Variants in ERC1 observed in about 807,000 individuals in gnomAD.
ERC1 encodes the protein ELKS/RAB6-interacting/CAST family member 1, also known as RAB6 interacting protein 2.
ERC1 carries 56 observed loss-of-function variants against 132.0 expected under a neutral mutation model. The ratio of observed to expected loss-of-function variants is 0.42; its 90% CI spans 0.34 to 0.53. ERC1 has a LOEUF of 0.53. Among genes scored for constraint, ERC1 ranks in the 20% least tolerant of loss-of-function variants. The pLI is 0.03. For synonymous variants in ERC1, 478 were observed against 476.1 expected, an observed-to-expected ratio of 1.00 and a Z score of -0.05; for missense variants, 1,202 against 1,349.9, an observed-to-expected ratio of 0.89 and a Z score of 1.72.
At chr12:1,209,730 C>G (rs1464850737) in intron 12 of ERC1, among the ~76,000 whole-genome samples, 1 of 152,100 alleles carries the variant, frequency 6.6e-6, no homozygotes, top group African/African-American at 2.4e-5. Context: ...CGAAAAGCTC[C>G]CAGTTGGTAC....
chr12:1,220,174 C>T (rs934066555), intron 12 of ERC1, among the ~76,000 whole-genome samples: 2 of 152,212 alleles, frequency 1.3e-5, no homozygotes, highest in Non-Finnish European at 2.9e-5. Flanking sequence ...CTGAAATACA[C>T]TGTTTGTCAC....
chr12:1,129,606 A>C (rs1401044008), intron 7 of ERC1, among the ~76,000 whole-genome samples: 2 of 152,214 alleles, frequency 1.3e-5, no homozygotes, highest in African/African-American at 4.8e-5. Context: ...CAGACTTTTC[A>C]GTTGCCACAA....
intron 3 of ERC1, among the ~76,000 whole-genome samples, chr12:1,093,906 T>C: frequency 7.0e-6 from 1 of 143,092 alleles, no homozygotes; most frequent in Non-Finnish European, 1.5e-5. Flanking sequence ...TATAAATATA[T>C]ATTTTTCTAT....
In ERC1 at chr12:1,252,674, G is replaced by A. The variant is rs538326425; in HGVS notation, c.2488-10360G>A. On this transcript the variant is annotated intron_variant, in intron 13 of 18. Coordinates refer to ENST00000360905, the MANE Select transcript of ERC1 (RefSeq NM_178040.4). The stretch of plus-strand genomic sequence containing the variant: ...AACAGAGCACCACTCTTAACTGAGG[G>A]GAGACATTTGAGGTGTTTTAAGGAG... Among the ~76,000 whole-genome samples the A allele has an allele frequency of 6.0e-4, 92 of 152,220 alleles. 1 individual carries two copies. The highest frequency in any genetic ancestry group is 2.1e-3 in the African/African-American group (88 of 41,526).
At chr12:1,043,094 A>T (rs1970534669) in intron 2 of ERC1, among the ~76,000 whole-genome samples, 1 of 143,682 alleles carries the variant, frequency 7.0e-6, no homozygotes, top group Non-Finnish European at 1.5e-5. Flanking sequence ...CCCAGGCTGG[A>T]GTGCAGTGGC....
intron 3 of ERC1, among the ~76,000 whole-genome samples, chr12:1,100,357 C>T (rs1376190835): frequency 6.6e-6 from 1 of 152,164 alleles, no homozygotes; most frequent in Non-Finnish European, 1.5e-5. Context: ...GTAGAGCCTT[C>T]TAGGTCAGCA....
intron 15 of ERC1, among the ~76,000 whole-genome samples, chr12:1,355,762 C>T (rs913712788): frequency 1.4e-4 from 21 of 152,120 alleles, no homozygotes; most frequent in Admixed American, 1.3e-3. Flanking sequence ...ATTCACTCTA[C>T]GAGGTGGGCA....
chr12:1,302,359 G>A (rs1317413648), intron 15 of ERC1, among the ~76,000 whole-genome samples: 2 of 152,090 alleles, frequency 1.3e-5, no homozygotes, highest in Non-Finnish European at 2.9e-5. Context: ...TTAGTAAAGA[G>A]CATCATGAAA....
At chr12:1,121,677 A>ATCTGTGTCTCTATCTCTATC in intron 7 of ERC1, among the ~76,000 whole-genome samples, 1 of 8,186 alleles carries the variant, frequency 1.2e-4, no homozygotes, top group African/African-American at 2.2e-4. Flanking sequence ...CTCTATCTCT[A>ATCTGTGTCTCTATCTCTATC]TCTATCTCTA....
intron 18 of ERC1, among the ~76,000 whole-genome samples, chr12:1,460,958 C>T (rs372710941): frequency 7.9e-4 from 51 of 64,954 alleles, no homozygotes; most frequent in East Asian, 1.1e-3. Flanking sequence ...TGAGGAGGCC[C>T]TTTTTTTTTT....
At chr12:1,457,953 G>A (rs567421341) in intron 18 of ERC1, among the ~76,000 whole-genome samples, 1 of 152,290 alleles carries the variant, frequency 6.6e-6, no homozygotes, top group East Asian at 1.9e-4. Context: ...CTTAATGGTG[G>A]CTGAGGAATC....
intron 15 of ERC1, among the ~76,000 whole-genome samples, chr12:1,303,575 C>T (rs908235977): frequency 1.3e-5 from 2 of 150,982 alleles, no homozygotes; most frequent in Non-Finnish European, 3.0e-5. Context: ...GGAGGCGGAG[C>T]GTGCAGTGAG....
rs1055252387 is a variant in ERC1, at chr12:1,316,028, A to G, written c.2780+26016A>G. Among the ~76,000 whole-genome samples the G allele has an allele frequency of 2.6e-5, 4 of 152,080 alleles. No individual in the cohort carries two copies. In the East Asian group the frequency reaches 7.7e-4, roughly 29 times the overall value. ...TCAGCCTCCCCCAGCAGCTGGGACT[A>G]CAGGTGCATGCCATCACGCCCGACT... On this transcript the variant is annotated intron_variant, in intron 15 of 18. Coordinates refer to ENST00000360905, the MANE Select transcript of ERC1 (RefSeq NM_178040.4).
At chr12:1,357,080 C>T (rs1440217571) in intron 15 of ERC1, among the ~76,000 whole-genome samples, 3 of 152,168 alleles carry the variant, frequency 2.0e-5, no homozygotes, top group Admixed American at 6.5e-5. Flanking sequence ...CATAAGCTTC[C>T]TATACAGCTA....
chr12:1,110,351 A>G lies in ERC1; in HGVS notation c.1317+4A>G. The G allele has an allele frequency of 6.3e-7, 1 of 1,590,316 alleles. No homozygotes were observed. ...TTCTAAATTTATGAAAAATAAGGTA[A>G]TGGCATGTGAGACTTTTGATTCTTA... On this transcript the variant is annotated splice_donor_region_variant and intron_variant, in intron 5 of 18. Transcript: ENST00000360905.
chr12:1,255,655 C>T (rs1320447582), intron 13 of ERC1, among the ~76,000 whole-genome samples: 14 of 48,172 alleles, frequency 2.9e-4, no homozygotes, highest in Non-Finnish European at 5.2e-4. Context: ...TTTTTTGAGA[C>T]GGAGTCTCAT....
chr12:1,367,741 G>A (rs11061712), intron 15 of ERC1, among the ~76,000 whole-genome samples: 79,104 of 151,816 alleles, frequency 0.52, 23,802 homozygotes, highest in African/African-American at 0.83. Flanking sequence ...GCCCTTTTAG[G>A]GACATCTTGA....
intron 14 of ERC1, among the ~76,000 whole-genome samples, chr12:1,274,324 G>A (rs1594714744): frequency 6.6e-6 from 1 of 152,156 alleles, no homozygotes; most frequent in East Asian, 1.9e-4. Context: ...GAGCTTATAT[G>A]TTAGTAGGGG....
chr12:1,349,772 A>G (rs1255228813), intron 15 of ERC1, among the ~76,000 whole-genome samples: 1 of 152,160 alleles, frequency 6.6e-6, no homozygotes, highest in African/African-American at 2.4e-5. Context: ...TAGCTTGATT[A>G]TACTTAGACC....
Sources: allele counts gnomAD v4.1 joint callset (sites outside exome capture counted in the v4.1 genomes callset), GRCh38; gene constraint gnomAD v4.1.1; transcripts MANE v1.5; gene names NCBI Gene and HGNC (gene_info 2026-07-23, HGNC 2026-07-21).